Variants in FBXW5 observed in about 807,000 individuals in gnomAD.
FBXW5 encodes F-box/WD repeat-containing protein 5.
In FBXW5, 74 loss-of-function variants were observed where a neutral mutation model predicts 50.9. The ratio of observed to expected loss-of-function variants is 1.45; its 90% confidence interval spans 1.20 to 1.76. FBXW5 has a LOEUF of 1.76. FBXW5 is among the 40% of genes most tolerant of loss of function. The probability of loss-of-function intolerance (pLI) is 0.00; values close to 1 mark genes in which losing one functional copy is unlikely to be tolerated. For missense variants in FBXW5, 1,073 were observed against 818.8 expected (o/e 1.31, Z -3.79); for synonymous variants, 523 against 362.2 (o/e 1.44, Z -5.04).
At position 136,942,944 on chromosome 9, in the gene FBXW5, CTG is replaced by C; in HGVS notation, c.352-3_352-2del. On this transcript the variant is annotated splice_acceptor_variant and splice_polypyrimidine_tract_variant and intron_variant, in intron 3 of 8. Coordinates refer to ENST00000325285, the MANE Select transcript of FBXW5 (RefSeq NM_018998.4). LOFTEE classifies it high-confidence loss of function. ...AGATGGTCAGGTCGTTGCTCCAGAT[CTG>C]TTCGGCAGGGGCGGCTGTAGTGATC... 8.1e-6 allele frequency: 13 copies of C among 1,612,938 alleles called. No individual in the cohort carries two copies. The highest frequency in any genetic ancestry group is 1.0e-5 in the Non-Finnish European group (12 of 1,179,896).
chr9:136,941,332 G>T lies in FBXW5; in HGVS notation c.1376C>A (p.Ala459Asp). 6.2e-7 allele frequency: 1 copy of T among 1,610,632 alleles called. No individual in the cohort carries two copies. The highest frequency in any genetic ancestry group is 8.5e-7 in the Non-Finnish European group (1 of 1,179,762). Residue 459 changes from alanine to aspartate, a missense_variant, in exon 8 of 9, where the codon GCT (alanine) becomes GAT (aspartate). Physicochemically the swap from Ala to Asp is moderately radical, Grantham distance 126. Coordinates refer to ENST00000325285, the MANE Select transcript of FBXW5 (RefSeq NM_018998.4). ...CGTGTAGGCGCGGTGCGCACGCAGA[G>T]CCCGCCTCACCTCCCGCATGGTCTT... ...DLKTMREVRR[A>D]LRAHRAYTPN... is the part of the protein sequence containing the mutation.
chr9:136,943,824 A>G (rs1435916861), intron 2 of FBXW5, 67 bp downstream of exon 2: 1 of 1,494,842 alleles, frequency 6.7e-7, no homozygotes, highest in Non-Finnish European at 9.0e-7. Flanking sequence ...AGCCAGGCTG[A>G]CCCCCAAGCG....
intron 6 of FBXW5, 141 bp downstream of exon 6, chr9:136,941,905 G>A (rs1246012336): frequency 6.9e-7 from 1 of 1,439,648 alleles, no homozygotes. Context: ...CAGGCCCCAG[G>A]TCTGGGCTTG....
Position 136,942,181 on chromosome 9 carries a change from G to T in FBXW5, c.961C>A (p.Arg321Ser), listed in dbSNP as rs758828444. 2.5e-6 allele frequency: 4 copies of T among 1,591,184 alleles called. No individual in the cohort carries two copies. The South Asian group carries it at 3.4e-5, about 13-fold the overall frequency. Residue 321 changes from arginine (R) to serine (S), a missense_variant, in exon 6 of 9, where the codon CGC (arginine) becomes AGC (serine). Physicochemically the swap from Arg to Ser is moderately radical, Grantham distance 110 (BLOSUM62 -1). Transcript: ENST00000325285. Reference sequence around the variant, plus strand: ...TCGGCCACCTTGGTCTCTAGCATGCGCTCCGACAGCTGTGGCTGCGCCCGC... The same window carrying T: ...TCGGCCACCTTGGTCTCTAGCATGCTCTCCGACAGCTGTGGCTGCGCCCGC... ...EGRAQPQLSE[R>S]MLETKVAELL...
At position 136,940,972 on chromosome 9, in the gene FBXW5, G is replaced by A. The variant is rs1253966855; in HGVS notation, c.1657C>T (p.Arg553Trp). The change falls in exon 9 of 9, where the codon CGG (arginine) becomes TGG (tryptophan). Residue 553 changes from arginine to tryptophan, a missense_variant. Arg to Trp is a moderately radical substitution (Grantham distance 101). Transcript: ENST00000325285. ...TMRVLQAPRPRPRTFFSWLAS... is the reference protein window; with the variant it reads ...TMRVLQAPRPWPRTFFSWLAS... ...AGCCAGGAGAAGAAGGTGCGAGGCC[G>A]TGGGCGAGGTGCCTGGAGGACGCGC... 13 of 1,563,332 alleles carry A rather than the reference G, an allele frequency of 8.3e-6. No homozygotes were observed. The highest frequency in any genetic ancestry group is 1.7e-4 in the Middle Eastern group (1 of 5,892).
intron 1 of FBXW5, 38 bp from the exon 2 acceptor site, chr9:136,944,144 G>A (rs1203911808): frequency 6.7e-7 from 1 of 1,497,318 alleles, no homozygotes; most frequent in South Asian, 1.3e-5. Flanking sequence ...CCCAGGCCCG[G>A]GAAGGGAGGC....
chr9:136,942,335 G>A lies in FBXW5; in HGVS notation c.807C>T (p.Ala269=), dbSNP rs556606025. 49 of 1,602,868 alleles carry A rather than the reference G, an allele frequency of 3.1e-5. No individual in the cohort carries two copies. Among genetic ancestry groups the A allele is most frequent in the Non-Finnish European group, 3.6e-5 (42 of 1,175,736 alleles). Residue 269 remains alanine, a synonymous_variant, in exon 6 of 9, where the codon GCC becomes GCT. Transcript: ENST00000325285. ...GGCAGGGGGACGTGGCCGGGTCACC[G>A]GCTTCCAGCAGCAGGTCAGGGCTGT... ...RFDSPDLLLE[A]GDPATSPCRI... is the part of the protein sequence containing the mutation.
Position 136,941,558 on chromosome 9 carries a change from A to G in FBXW5, c.1223T>C (p.Met408Thr), listed in dbSNP as rs754344421. ...VIDIHGHIIG[M>T]GLSPDNRYLY... ...CCACCTGTTGTCGGGCGACAGGCCC[A>G]TGCCGATGATGTGTCCGTGTATGTC... is the stretch of plus-strand genomic sequence containing the variant. Residue 408 changes from methionine to threonine, a missense_variant, in exon 7 of 9, where the codon ATG becomes ACG. Transcript: ENST00000325285. The G allele has an allele frequency of 3.7e-6, 6 of 1,611,236 alleles. No homozygotes were observed. The African/African-American group carries it at 6.7e-5, about 18-fold the overall frequency.
chr9:136,943,446 A>G lies in FBXW5; in HGVS notation c.254T>C (p.Val85Ala). Residue 85 changes from valine (V) to alanine (A), a missense_variant, in exon 3 of 9, where the codon GTG becomes GCG. Transcript: ENST00000325285. ...GTCTGTGTGTTCCCGCAGCGTCTGC[A>G]CCTCCACGCAGGGCACCGTGTCATA... Reference protein sequence around the residue: ...RLYDTVPCVEVQTLREHTDQV... With the variant: ...RLYDTVPCVEAQTLREHTDQV... 4 of 1,612,738 alleles carry G rather than the reference A, an allele frequency of 2.5e-6. No homozygotes were observed. Among genetic ancestry groups the G allele is most frequent in the Non-Finnish European group, 3.4e-6 (4 of 1,179,920 alleles).
chr9:136,942,587 A>T lies in FBXW5; in HGVS notation c.635T>A (p.Ile212Asn). Residue 212 changes from isoleucine (I) to asparagine (N), a missense_variant, in exon 5 of 9, where the codon ATC (isoleucine) becomes AAC (asparagine). Ile to Asn is a moderately radical substitution (Grantham distance 149). Coordinates refer to ENST00000325285, the MANE Select transcript of FBXW5 (RefSeq NM_018998.4). ...ISGNLHRIGDITSCSVLWLNN... is the reference protein window; with the variant it reads ...ISGNLHRIGDNTSCSVLWLNN... ...GAGCCACAGCACCGAGCAGGAGGTG[A>T]TATCTCCGATGCGGTGCAGGTTCCC... 6.2e-7 allele frequency: 1 copy of T among 1,611,426 alleles called. No homozygotes were observed.
rs762869857 is a variant in FBXW5, at chr9:136,941,351, T to C, written c.1357A>G (p.Met453Val). 6.8e-5 allele frequency: 110 copies of C among 1,611,602 alleles called. No individual in the cohort carries two copies. Among genetic ancestry groups the C allele is most frequent in the Admixed American group, 5.0e-4 (30 of 60,006 alleles). Residue 453 changes from methionine (M) to valine (V), a missense_variant, in exon 8 of 9, where the codon ATG becomes GTG. Physicochemically the swap from Met to Val is conservative, Grantham distance 21 (BLOSUM62 1). Transcript: ENST00000325285. ...IDLLVFDLKT[M>V]REVRRALRAH... ...CGCAGAGCCCGCCTCACCTCCCGCA[T>C]GGTCTTGAGGTCGAACACCAGCAGG... is the stretch of plus-strand genomic sequence containing the variant.
At chr9:136,943,289 TG>T in intron 3 of FBXW5, 59 bp downstream of exon 3, 1 of 1,036,452 alleles carries the variant, frequency 9.6e-7, no homozygotes, top group Non-Finnish European at 1.4e-6. Flanking sequence ...GCCTGGGTCC[TG>T]GGACCTCCGT....
At chr9:136,943,242 T>TGTGGG in intron 3 of FBXW5, 107 bp downstream of exon 3, 8 of 1,213,748 alleles carry the variant, frequency 6.6e-6, no homozygotes, top group African/African-American at 1.8e-5. Context: ...ACCTCTGGCC[T>TGTGGG]GACCCACCCC....
intron 7 of FBXW5, 21 bp downstream of exon 7, chr9:136,941,516 G>C (rs1850764203): frequency 9.3e-6 from 15 of 1,607,904 alleles, no homozygotes; most frequent in Non-Finnish European, 1.3e-5. Flanking sequence ...ACCCCGCCTG[G>C]GACACTGGCA....
At position 136,944,057 on chromosome 9, in the gene FBXW5, G is replaced by C; in HGVS notation, c.27C>G (p.Leu9=). Residue 9 remains leucine, a synonymous_variant, in exon 2 of 9, where the codon CTC becomes CTG. Transcript: ENST00000325285. ...AGATCTGGTAGACCAGGCTGTCGGGGAGCAGGGGCGTGCCGCCCTCGTCCA... is the reference window on the plus strand; with the variant it reads ...AGATCTGGTAGACCAGGCTGTCGGGCAGCAGGGGCGTGCCGCCCTCGTCCA... MDEGGTPL[L]PDSLVYQIFL... is the part of the protein sequence containing the mutation. 6.2e-7 allele frequency: 1 copy of C among 1,601,922 alleles called. No homozygotes were observed.
intron 3 of FBXW5, 72 bp downstream of exon 3, chr9:136,943,277 A>ACGTT: frequency 9.7e-7 from 1 of 1,028,016 alleles, no homozygotes; most frequent in Non-Finnish European, 1.4e-6. Context: ...CCTGGTTGGA[A>ACGTT]CGCCTGGGTC....
Position 136,940,859 on chromosome 9 carries a change from C to A in FBXW5, c.*69G>T. On this transcript the variant is annotated 3_prime_UTR_variant, in exon 9 of 9. Transcript: ENST00000325285. Reference sequence around the variant, plus strand: ...TATAAGCATCTCCACCTCTCCCGCTCGGGAAAAAGCCACAGAGCCTGGCGA... The same window carrying A: ...TATAAGCATCTCCACCTCTCCCGCTAGGGAAAAAGCCACAGAGCCTGGCGA... 6.6e-7 allele frequency: 1 copy of A among 1,520,018 alleles called. No homozygotes were observed. The allele number at this position is 1,520,018 out of a possible 1,614,324, so 94.2% of individuals were successfully genotyped here.
intron 2 of FBXW5, 84 bp downstream of exon 2, chr9:136,943,807 G>A (rs1850911954): frequency 4.9e-6 from 7 of 1,421,604 alleles, no homozygotes; most frequent in African/African-American, 1.4e-5. Flanking sequence ...CCGCGGGGCG[G>A]GCCCCCAGCC....
rs745482282 is a variant in FBXW5 at position 136,942,157 on chromosome 9, C to T, written c.985G>A (p.Glu329Lys). The T allele has an allele frequency of 4.4e-6, 7 of 1,605,148 alleles. No homozygotes were observed. Among genetic ancestry groups the T allele is most frequent in the African/African-American group, 1.3e-5 (1 of 74,834 alleles). Residue 329 changes from glutamate (E) to lysine (K), a missense_variant, in exon 6 of 9, where the codon GAG becomes AAG. Transcript: ENST00000325285. Reference protein sequence around the residue: ...SERMLETKVAELLAQGHTKPP... With the variant: ...SERMLETKVAKLLAQGHTKPP... ...TTGGTGTGGCCCTGGGCCAGCAGCT[C>T]GGCCACCTTGGTCTCTAGCATGCGC...
Sources: allele counts gnomAD v4.1 joint callset, GRCh38; gene constraint gnomAD v4.1.1; transcripts MANE v1.5; gene names NCBI Gene and HGNC (gene_info 2026-07-23, HGNC 2026-07-21).